AUH: variants seen among roughly 807,000 people sequenced by gnomAD.
The protein encoded by AUH is AU RNA binding methylglutaconyl-CoA hydratase.
A neutral mutation model predicts 42.3 loss-of-function variants in AUH; 29 were observed. The ratio of observed to expected loss-of-function variants is 0.69; its 90% CI spans 0.51 to 0.93. The LOEUF is 0.93. Among genes scored for constraint, AUH ranks in the 40% least tolerant of loss-of-function variants. The pLI, the probability that AUH is intolerant of heterozygous loss-of-function variation, is 0.00. For missense variants in AUH, 452 were observed against 438.1 expected (o/e 1.03, Z -0.28); for synonymous variants, 174 against 166.4 (o/e 1.05, Z -0.35).
At chr9:91,273,844 A>G (rs1825348161) in intron 6 of AUH, among the ~76,000 whole-genome samples, 1 of 152,212 alleles carries the variant, frequency 6.6e-6, no homozygotes, top group Non-Finnish European at 1.5e-5. Context: ...TTGACGAACA[A>G]TTTTTGCCAC....
intron 6 of AUH, among the ~76,000 whole-genome samples, chr9:91,275,440 G>A (rs566206523): frequency 6.6e-6 from 1 of 152,290 alleles, no homozygotes; most frequent in East Asian, 1.9e-4. Context: ...GGAGCTCTAT[G>A]GTGATTTCTC....
chr9:91,238,949 C>T (rs1189330878), intron 6 of AUH, among the ~76,000 whole-genome samples: 1 of 152,210 alleles, frequency 6.6e-6, no homozygotes, highest in African/African-American at 2.4e-5. Flanking sequence ...ACCAAAAGAC[C>T]TAAATTCAAA....
At chr9:91,225,427 T>C (rs1827386258) in intron 6 of AUH, among the ~76,000 whole-genome samples, 1 of 152,222 alleles carries the variant, frequency 6.6e-6, no homozygotes, top group Non-Finnish European at 1.5e-5. Context: ...AGATAGCGTA[T>C]CCTATTTCTG....
At chr9:91,265,164 A>T (rs187591122) in intron 6 of AUH, among the ~76,000 whole-genome samples, 1 of 152,034 alleles carries the variant, frequency 6.6e-6, no homozygotes, top group South Asian at 2.1e-4. Context: ...CATCTCTGGG[A>T]ATTATCTTCC....
At chr9:91,218,649 A>G (rs1276257823) in intron 7 of AUH, 2 of 985,298 alleles carry the variant, frequency 2.0e-6, no homozygotes, top group African/African-American at 3.5e-5. Flanking sequence ...AAATGCTATT[A>G]GAAATAGTGC....
At chr9:91,251,222 G>T (rs1587695166) in intron 6 of AUH, among the ~76,000 whole-genome samples, 1 of 152,214 alleles carries the variant, frequency 6.6e-6, no homozygotes. Flanking sequence ...TCTAGGTGCA[G>T]CAGCAGTGCT....
At chr9:91,261,417 A>C (rs1829701418) in intron 6 of AUH, among the ~76,000 whole-genome samples, 1 of 152,180 alleles carries the variant, frequency 6.6e-6, no homozygotes, top group African/African-American at 2.4e-5. Context: ...AAGCCTCTTT[A>C]ATCTGCTATT....
intron 6 of AUH, among the ~76,000 whole-genome samples, chr9:91,259,822 G>A (rs1829614561): frequency 6.6e-6 from 1 of 151,962 alleles, no homozygotes; most frequent in African/African-American, 2.4e-5. Flanking sequence ...TAAATTTGAG[G>A]TTTCATGGTC....
chr9:91,240,792 C>G (rs77989585), intron 6 of AUH, among the ~76,000 whole-genome samples: 6,605 of 151,586 alleles, frequency 0.044, 232 homozygotes, highest in Non-Finnish European at 0.058. Flanking sequence ...CCATGAGCTC[C>G]CTTTTGGTGG....
intron 6 of AUH, among the ~76,000 whole-genome samples, chr9:91,293,735 G>A (rs1827096222): frequency 6.6e-6 from 1 of 152,208 alleles, no homozygotes; most frequent in Admixed American, 6.5e-5. Context: ...ATCTAGCTAA[G>A]ATCACTGATG....
At chr9:91,241,835 T>A (rs1369295558) in intron 6 of AUH, among the ~76,000 whole-genome samples, 1 of 152,224 alleles carries the variant, frequency 6.6e-6, no homozygotes, top group East Asian at 1.9e-4. Flanking sequence ...CTATGTAATA[T>A]TTCCTAGCCC....
At chr9:91,320,552 T>C (rs1829489200) in intron 4 of AUH, among the ~76,000 whole-genome samples, 1 of 152,216 alleles carries the variant, frequency 6.6e-6, no homozygotes, top group African/African-American at 2.4e-5. Context: ...TTTTTGTCTA[T>C]AAATTTGTTC....
chr9:91,275,041 T>A (rs146778573), intron 6 of AUH, among the ~76,000 whole-genome samples: 1,760 of 152,258 alleles, frequency 0.012, 14 homozygotes, highest in Non-Finnish European at 0.02. Flanking sequence ...CTAAAACACA[T>A]TAAGTTACAG....
intron 5 of AUH, among the ~76,000 whole-genome samples, chr9:91,297,381 T>C (rs1827431223): frequency 6.6e-6 from 1 of 152,170 alleles, no homozygotes; most frequent in Non-Finnish European, 1.5e-5. Context: ...CCTCATAAGA[T>C]CCTCAGAAAA....
intron 4 of AUH, among the ~76,000 whole-genome samples, chr9:91,298,941 G>A (rs575818478): frequency 3.3e-5 from 5 of 152,118 alleles, no homozygotes; most frequent in Non-Finnish European, 7.4e-5. Flanking sequence ...AATATCGGCC[G>A]GGCGCTGTGG....
intron 6 of AUH, among the ~76,000 whole-genome samples, chr9:91,255,636 GAC>G (rs1319066235): frequency 6.6e-6 from 1 of 152,190 alleles, no homozygotes; most frequent in Non-Finnish European, 1.5e-5. Flanking sequence ...ATATTTCCAT[GAC>G]TGTCCTGATA....
At position 91,302,995 on chromosome 9, in the gene AUH, T is replaced by C. The variant is rs147744343; in HGVS notation, c.506-4919A>G. Among the ~76,000 whole-genome samples the C allele has an allele frequency of 3.9e-3, 590 of 152,308 alleles. 2 individuals carry two copies. The highest frequency in any genetic ancestry group is 0.013 in the African/African-American group (551 of 41,574). ...ATGTTATGCAACCAATAGGATCAGATACTATTTTCAGTTTCGTACCAGGAA... is the reference window on the plus strand; with the variant it reads ...ATGTTATGCAACCAATAGGATCAGACACTATTTTCAGTTTCGTACCAGGAA... On this transcript the variant is annotated intron_variant, in intron 4 of 9. Transcript: ENST00000375731.
chr9:91,285,247 G>A (rs1461594745), intron 6 of AUH, among the ~76,000 whole-genome samples: 11 of 151,852 alleles, frequency 7.2e-5, no homozygotes, highest in Non-Finnish European at 1.5e-4. Flanking sequence ...ACTCATAGGT[G>A]GGAACTGAAC....
chr9:91,276,542 C>T (rs1433646512), intron 6 of AUH, among the ~76,000 whole-genome samples: 1 of 151,920 alleles, frequency 6.6e-6, no homozygotes, highest in Non-Finnish European at 1.5e-5. Flanking sequence ...TTTTTCCAAA[C>T]AATAACAAAC....
Sources: allele counts gnomAD v4.1 joint callset (sites outside exome capture counted in the v4.1 genomes callset), GRCh38; gene constraint gnomAD v4.1.1; transcripts MANE v1.5; gene names NCBI Gene and HGNC (gene_info 2026-07-23, HGNC 2026-07-21).